The following TRIM52 variants were observed in gnomAD, a reference collection of about 807,000 sequenced individuals.
TRIM52 encodes E3 ubiquitin-protein ligase TRIM52.
A neutral mutation model predicts 27.0 loss-of-function variants in TRIM52; 24 were observed. The observed-to-expected ratio is 0.89, with a 90% CI of 0.64 to 1.25. The LOEUF is 1.25. Among genes scored for constraint, TRIM52 ranks in the 50% most tolerant of loss-of-function variants. The pLI is 0.00. For synonymous variants in TRIM52, 125 were observed against 126.5 expected, an observed-to-expected ratio of 0.99 and a Z score of 0.08; for missense variants, 351 against 354.7, an observed-to-expected ratio of 0.99 and a Z score of 0.08.
chr5:181,251,394 G>T (rs977765573), downstream of TRIM52, among the ~76,000 whole-genome samples: 2 of 152,088 alleles, frequency 1.3e-5, no homozygotes, highest in Non-Finnish European at 2.9e-5. Context: ...GTTCTTAAAG[G>T]CTATTTTTAT....
At chr5:181,259,453 G>T in intron 1 of TRIM52, 1 of 168,126 alleles carries the variant, frequency 5.9e-6, no homozygotes, top group Non-Finnish European at 1.3e-5. Context: ...GAAGGAAAAC[G>T]GACCCCACTG....
At chr5:181,252,727 T>G (rs1759666376), downstream of TRIM52, among the ~76,000 whole-genome samples, 1 of 152,204 alleles carries the variant, frequency 6.6e-6, no homozygotes, top group Non-Finnish European at 1.5e-5. Flanking sequence ...AAGAAAGTAC[T>G]TTAGGGACTG....
downstream of TRIM52, among the ~76,000 whole-genome samples, chr5:181,252,899 C>T (rs942018954): frequency 1.3e-5 from 2 of 152,174 alleles, no homozygotes; most frequent in African/African-American, 4.8e-5. Context: ...GTTTATCTGT[C>T]ACGGTTCTTG....
At chr5:181,251,146 T>C (rs936555623), downstream of TRIM52, among the ~76,000 whole-genome samples, 24 of 152,080 alleles carry the variant, frequency 1.6e-4, no homozygotes, top group African/African-American at 5.6e-4. Flanking sequence ...ATAAAAAAAT[T>C]AGCTGGGCGT....
downstream of TRIM52, among the ~76,000 whole-genome samples, chr5:181,249,303 A>C (rs951314662): frequency 6.6e-6 from 1 of 152,088 alleles, no homozygotes; most frequent in Non-Finnish European, 1.5e-5. Context: ...GGAGGGACTG[A>C]GTACTTACTA....
downstream of TRIM52, among the ~76,000 whole-genome samples, chr5:181,251,144 A>C (rs1430645483): frequency 6.6e-6 from 1 of 152,040 alleles, no homozygotes. Flanking sequence ...ATATAAAAAA[A>C]TTAGCTGGGC....
chr5:181,251,575 C>T (rs972919117), downstream of TRIM52, among the ~76,000 whole-genome samples: 2 of 152,162 alleles, frequency 1.3e-5, no homozygotes, highest in East Asian at 1.9e-4. Flanking sequence ...CTTAGAGGAA[C>T]GTTTCCTTCC....
rs551927196 is a variant in TRIM52, at chr5:181,260,187, G to A, written c.627C>T (p.Arg209=). 1.2e-6 allele frequency: 2 copies of A among 1,614,226 alleles called. No individual in the cohort carries two copies. Among genetic ancestry groups the A allele is most frequent in the South Asian group, 1.1e-5 (1 of 91,078 alleles). The change falls in exon 1 of 2, where the codon CGC becomes CGT. Residue 209 remains arginine, a synonymous_variant. Transcript: ENST00000688015. This position sits in a 1 kb window ranked among gnomAD's most constrained non-coding sequence, Gnocchi z 4.4. ...LQLANMVQII[R]QMCPTPYRGN... Reference sequence around the variant, plus strand: ...CCCGATAAGGAGTGGGGCACATCTGGCGAATTATCTGGACCATGTTGGCCA... The same window carrying A: ...CCCGATAAGGAGTGGGGCACATCTGACGAATTATCTGGACCATGTTGGCCA...
intron 1 of TRIM52, chr5:181,258,743 A>AT (rs542684400): frequency 6.4e-4 from 90 of 141,500 alleles, no homozygotes; most frequent in African/African-American, 2.4e-3. Flanking sequence ...ATATACATGT[A>AT]TATATATATA....
chr5:181,257,059 TC>T (rs1217736463), intron 1 of TRIM52, 200 bp from the exon 2 acceptor site: 10 of 1,003,976 alleles, frequency 1.0e-5, no homozygotes, highest in Non-Finnish European at 1.2e-6. Flanking sequence ...TTATGCCTGA[TC>T]CCCAATAAGT....
At chr5:181,259,249 C>G (rs1024001441) in intron 1 of TRIM52, 4 of 152,880 alleles carry the variant, frequency 2.6e-5, no homozygotes, top group African/African-American at 7.2e-5. Flanking sequence ...TTAATCCTTA[C>G]AATCCTAGGG....
chr5:181,252,380 T>C (rs1243019790), downstream of TRIM52, among the ~76,000 whole-genome samples: 1 of 152,192 alleles, frequency 6.6e-6, no homozygotes, highest in African/African-American at 2.4e-5. Flanking sequence ...TCTTAAAAAT[T>C]GAGTTCATGA....
chr5:181,250,861 A>C (rs1759620242), downstream of TRIM52, among the ~76,000 whole-genome samples: 1 of 152,194 alleles, frequency 6.6e-6, no homozygotes, highest in Admixed American at 6.5e-5. Context: ...AAGAAATGTC[A>C]GAGAAAAAGG....
intron 1 of TRIM52, 125 bp downstream of exon 1, chr5:181,259,876 T>C (rs756264700): frequency 1.4e-5 from 22 of 1,558,950 alleles, no homozygotes; most frequent in Non-Finnish European, 1.8e-5. Flanking sequence ...GTCTCCCTCA[T>C]CAAATAAAGA....
intron 1 of TRIM52, chr5:181,258,350 A>G (rs2113248915): frequency 6.6e-6 from 1 of 152,430 alleles, no homozygotes; most frequent in Admixed American, 6.5e-5. Flanking sequence ...AGATCATGCC[A>G]TTGCACTTCT....
In TRIM52 at chr5:181,260,037, G is replaced by T. The variant is rs1759965667; in HGVS notation, c.777C>A (p.Ser259Arg). 1 of 1,613,988 alleles carries T rather than the reference G, an allele frequency of 6.2e-7. No homozygotes were observed. Among genetic ancestry groups the T allele is most frequent in the African/African-American group, 1.3e-5 (1 of 74,908 alleles). ...GCACCACCTCCTCCAAAGGCAGCAC[G>T]CTGTGCTGTTTGTGGCTCCTGGATT... ...CRESRSHKQH[S>R]VLPLEEVVQE... The change falls in exon 1 of 2, where the codon AGC (serine) becomes AGA (arginine). Residue 259 changes from serine (S) to arginine (R), a missense_variant. Transcript: ENST00000688015. The surrounding 1 kb of genome is among the most constrained non-coding windows in gnomAD (Gnocchi z 4.4).
chr5:181,259,351 C>T (rs946023639), intron 1 of TRIM52: 4 of 155,486 alleles, frequency 2.6e-5, no homozygotes, highest in African/African-American at 9.6e-5. Flanking sequence ...CGCACTCCTT[C>T]CACTATGATA....
downstream of TRIM52, among the ~76,000 whole-genome samples, chr5:181,250,297 A>G (rs1759609350): frequency 6.6e-6 from 1 of 152,138 alleles, no homozygotes; most frequent in Admixed American, 6.5e-5. Flanking sequence ...GCACTTTGGG[A>G]GGCCAAGGCA....
At position 181,261,049 on chromosome 5, in the gene TRIM52, C is replaced by T; in HGVS notation, c.-236G>A. On this transcript the variant is annotated 5_prime_UTR_variant, in exon 1 of 2. Coordinates refer to ENST00000688015, the MANE Select transcript of TRIM52 (RefSeq NM_001346048.2). The stretch of plus-strand genomic sequence containing the variant: ...CAGAGCAGGCTGCAGCCCCCAGCTG[C>T]TCGGTCCTGTCACGTCTCTCGCTAC... The T allele has an allele frequency of 5.4e-6, 3 of 553,914 alleles. No individual in the cohort carries two copies. Among genetic ancestry groups the T allele is most frequent in the Non-Finnish European group, 9.3e-6 (3 of 320,896 alleles). 34.3% of individuals were successfully genotyped at this position (553,914 alleles called of 1,614,324 possible).
Sources: allele counts gnomAD v4.1 joint callset (sites outside exome capture counted in the v4.1 genomes callset), GRCh38; gene constraint gnomAD v4.1.1; non-coding constraint Gnocchi (gnomAD v3.1); transcripts MANE v1.5; gene names NCBI Gene and HGNC (gene_info 2026-07-23, HGNC 2026-07-21).